The following TYW1 variants were observed in gnomAD, a reference collection of about 807,000 sequenced individuals.
The protein encoded by TYW1 is S-adenosyl-L-methionine-dependent tRNA 4-demethylwyosine synthase TYW1.
TYW1 carries 46 observed loss-of-function variants against 96.2 expected under a neutral mutation model. That is an observed-to-expected ratio of 0.48 (90% CI 0.38 to 0.61). The LOEUF (loss-of-function observed/expected upper bound fraction) is 0.61, where lower values mean the gene tolerates loss of function less well. TYW1 is among the 20% of genes least tolerant of loss of function. The probability of loss-of-function intolerance (pLI) is 0.00; values close to 1 mark genes in which losing one functional copy is unlikely to be tolerated. For missense variants in TYW1, 684 were observed against 909.6 expected, an observed-to-expected ratio of 0.75 and a Z score of 3.19; for synonymous variants, 274 against 323.0, an observed-to-expected ratio of 0.85 and a Z score of 1.63.
At chr7:67,118,386 C>T (rs1403992264) in intron 13 of TYW1, among the ~76,000 whole-genome samples, 1 of 151,946 alleles carries the variant, frequency 6.6e-6, no homozygotes, top group African/African-American at 2.4e-5. Context: ...ATAATCTACA[C>T]TTATCTTCCT....
chr7:67,006,517 G>A (rs1187492500), intron 3 of TYW1, among the ~76,000 whole-genome samples: 1 of 137,118 alleles, frequency 7.3e-6, no homozygotes, highest in African/African-American at 2.8e-5. Context: ...TCGGCTCACT[G>A]CGGCCTCTGC....
At chr7:67,092,044 G>A (rs1365124465) in intron 11 of TYW1, among the ~76,000 whole-genome samples, 1 of 152,098 alleles carries the variant, frequency 6.6e-6, no homozygotes, top group Admixed American at 6.5e-5. Context: ...GACTCAGTCC[G>A]TGGTCCTCCT....
chr7:67,050,106 T>G (rs1415459298), intron 8 of TYW1, 40 bp downstream of exon 8: 1 of 1,604,228 alleles, frequency 6.2e-7, no homozygotes, highest in African/African-American at 1.3e-5. Flanking sequence ...GACTGTAGTC[T>G]TAGGCATTCT....
chr7:67,054,550 G>A (rs1229072299), intron 8 of TYW1, among the ~76,000 whole-genome samples: 6 of 152,154 alleles, frequency 3.9e-5, no homozygotes, highest in Admixed American at 2.6e-4. Flanking sequence ...ATACAGAAGA[G>A]GATACAAGAC....
intron 13 of TYW1, among the ~76,000 whole-genome samples, chr7:67,176,860 G>A (rs78577512): frequency 0.28 from 42,253 of 151,358 alleles, 6,371 homozygotes; most frequent in African/African-American, 0.4. Flanking sequence ...AGACTGTCCC[G>A]TGCATTGTAG....
rs1344061656 is a variant in TYW1, at chr7:67,056,428, GTTTC to G, written c.1155+542_1155+545del. On this transcript the variant is annotated intron_variant, in intron 9 of 15. Coordinates refer to ENST00000359626, the MANE Select transcript of TYW1 (RefSeq NM_018264.4). The stretch of plus-strand genomic sequence containing the variant: ...AATCACTTGAACCCAGGAGGCAGAG[GTTTC>G]AGTGAGCCCAGATCTTGCCACTGCA... Among the ~76,000 whole-genome samples, 4 of 150,040 alleles carry G rather than the reference GTTTC, an allele frequency of 2.7e-5. No individual in the cohort carries two copies. The East Asian group carries it at 7.8e-4, about 29-fold the overall frequency.
intron 9 of TYW1, among the ~76,000 whole-genome samples, chr7:67,062,017 C>T (rs577448327): frequency 3.3e-5 from 5 of 152,184 alleles, no homozygotes; most frequent in African/African-American, 1.2e-4. Context: ...TGAGGTTGGC[C>T]ATTAACAGTT....
intron 7 of TYW1, among the ~76,000 whole-genome samples, chr7:67,041,980 TATTCTA>T (rs1173705435): frequency 1.3e-5 from 2 of 148,346 alleles, no homozygotes; most frequent in African/African-American, 2.4e-5. Context: ...AATAACATTA[TATTCTA>T]ATTCTATTAG....
At position 67,238,770 on chromosome 7, in the gene TYW1, T is replaced by C. The variant is rs2116463069; in HGVS notation, c.*241T>C. 7.4e-7 allele frequency: 1 copy of C among 1,348,988 alleles called. No individual in the cohort carries two copies. The highest frequency in any genetic ancestry group is 9.5e-7 in the Non-Finnish European group (1 of 1,047,344). The allele number at this position is 1,348,988 out of a possible 1,614,324, so 83.6% of individuals were successfully genotyped here. On this transcript the variant is annotated 3_prime_UTR_variant, in exon 16 of 16. Transcript: ENST00000359626. Reference sequence around the variant, plus strand: ...CCTGATTTTACTTCTAAGAGGAAAATTATTTTGGGGAGGAACTACACAGTC... The same window carrying C: ...CCTGATTTTACTTCTAAGAGGAAAACTATTTTGGGGAGGAACTACACAGTC...
intron 3 of TYW1, among the ~76,000 whole-genome samples, chr7:67,002,199 C>T (rs1333509583): frequency 6.6e-6 from 1 of 151,666 alleles, no homozygotes; most frequent in East Asian, 1.9e-4. Flanking sequence ...GGGCTTGTGC[C>T]ACCATGCTGG....
chr7:67,014,580 A>G lies in TYW1; in HGVS notation c.570+19A>G. 6.3e-7 allele frequency: 1 copy of G among 1,586,524 alleles called. No homozygotes were observed. ...CAACAAGGTAGGTCTATATTGAATT[A>G]TAGGAATAAATTCTCCCCATAAACA... On this transcript the variant is annotated intron_variant, in intron 5 of 15. Transcript: ENST00000359626.
intron 14 of TYW1, among the ~76,000 whole-genome samples, chr7:67,188,453 T>C (rs1414168394): frequency 6.6e-6 from 1 of 152,192 alleles, no homozygotes; most frequent in Non-Finnish European, 1.5e-5. Flanking sequence ...GTGAATCTGT[T>C]ATGAAAACCA....
chr7:67,200,763 T>G (rs1200583742), intron 15 of TYW1, among the ~76,000 whole-genome samples: 1 of 152,200 alleles, frequency 6.6e-6, no homozygotes, highest in Admixed American at 6.5e-5. Flanking sequence ...GGGTGCATTC[T>G]GAGGACTACT....
chr7:67,020,640 T>TA (rs1794220090), intron 6 of TYW1, among the ~76,000 whole-genome samples: 1 of 152,290 alleles, frequency 6.6e-6, no homozygotes, highest in African/African-American at 2.4e-5. Flanking sequence ...AGTGTGACCT[T>TA]AGCACCTAAT....
chr7:67,191,368 T>G (rs1800210503), intron 14 of TYW1, among the ~76,000 whole-genome samples: 1 of 152,160 alleles, frequency 6.6e-6, no homozygotes, highest in Non-Finnish European at 1.5e-5. Context: ...AACTCAAGGA[T>G]GCATAAATGA....
At chr7:67,178,946 G>T (rs1401357033) in intron 13 of TYW1, among the ~76,000 whole-genome samples, 2 of 137,982 alleles carry the variant, frequency 1.4e-5, no homozygotes, top group Non-Finnish European at 3.1e-5. Context: ...TCCTACTGTT[G>T]CATGACAGGT....
intron 13 of TYW1, among the ~76,000 whole-genome samples, chr7:67,163,668 A>ATTTTT (rs3980764): frequency 1.4e-5 from 2 of 140,958 alleles, no homozygotes; most frequent in South Asian, 2.3e-4. Flanking sequence ...AAGCAGGAGA[A>ATTTTT]TTTTTTTTTT....
rs1801960285 is a variant in TYW1 at position 67,238,349 on chromosome 7, C to T, written c.2019C>T (p.Asn673=). ...GGEWWTWIDY[N]RFQELIQEYE... ...AATGGTGGACATGGATCGATTATAA[C>T]CGCTTCCAGGAGCTCATCCAGGAAT... The change falls in exon 16 of 16, where the codon AAC becomes AAT. Residue 673 remains asparagine, a synonymous_variant. Transcript: ENST00000359626. 6.2e-7 allele frequency: 1 copy of T among 1,612,908 alleles called. No individual in the cohort carries two copies. The highest frequency in any genetic ancestry group is 1.3e-5 in the African/African-American group (1 of 74,588).
intron 14 of TYW1, among the ~76,000 whole-genome samples, chr7:67,192,849 C>T (rs10273692): frequency 0.29 from 44,015 of 151,992 alleles, 7,067 homozygotes; most frequent in African/African-American, 0.43. Context: ...GGCTTTAAGG[C>T]AGTGATTTTA....
Sources: gnomAD v4.1 joint callset for allele counts (sites outside exome capture counted in the v4.1 genomes callset) on GRCh38, gnomAD v4.1.1 for gene constraint, MANE v1.5 for transcripts, NCBI Gene and HGNC (gene_info 2026-07-23, HGNC 2026-07-21) for gene names.